Variants in CAST observed in about 807,000 individuals in gnomAD.
CAST encodes MIR583 host.
A neutral mutation model predicts 119.6 loss-of-function variants in CAST; 76 were observed. The observed-to-expected ratio is 0.64, with a 90% CI of 0.53 to 0.77. The LOEUF (loss-of-function observed/expected upper bound fraction) is 0.77. CAST is among the 30% of genes least tolerant of loss of function. CAST has a pLI of 0.00. For synonymous variants in CAST, 319 were observed against 331.6 expected (o/e 0.96, Z 0.41); for missense variants, 953 against 946.5 (o/e 1.01, Z -0.09).
intron 1 of CAST, among the ~76,000 whole-genome samples, chr5:96,581,602 C>A (rs562800748): frequency 1.3e-5 from 2 of 152,230 alleles, no homozygotes; most frequent in Non-Finnish European, 2.9e-5. Flanking sequence ...TTAAAAACAA[C>A]CTGAATAGCC....
At chr5:96,432,983 A>G in the CAST span, 1 of 1,614,224 alleles carries the variant, frequency 6.2e-7, no homozygotes, top group Non-Finnish European at 8.5e-7. Flanking sequence ...TGTTCAGTGC[A>G]CACCAAGCGC....
At chr5:95,998,382 T>C in the CAST span, among the ~76,000 whole-genome samples, 4 of 152,142 alleles carry the variant, frequency 2.6e-5, no homozygotes, top group Non-Finnish European at 4.4e-5. Context: ...TTGTACCTAA[T>C]AGGTAATTTT....
At chr5:96,496,963 A>T in the CAST span, among the ~76,000 whole-genome samples, 5 of 150,082 alleles carry the variant, frequency 3.3e-5, no homozygotes, top group East Asian at 7.9e-4. Flanking sequence ...GCACCCAGTA[A>T]CTCGTCATTT....
In CAST at chr5:96,746,484, G is replaced by A. The variant is rs374520107; in HGVS notation, c.1284+59G>A. The A allele has an allele frequency of 8.0e-5, 76 of 950,004 alleles. No individual in the cohort carries two copies. In the East Asian group the frequency reaches 1.6e-3, roughly 20 times the overall value. The allele number at this position is 950,004 out of a possible 1,614,324, so 58.8% of individuals were successfully genotyped here. A position where few individuals can be genotyped will look rare whatever the true frequency, so the allele number is the denominator to read the frequency against. On this transcript the variant is annotated intron_variant, in intron 17 of 31. Transcript: ENST00000675179. ...TCTTGCCTTTGCATCTTGTTTTGTT[G>A]TATCTGTACCCTTGACATTGTCAAA...
the CAST span, among the ~76,000 whole-genome samples, chr5:96,149,401 A>G: frequency 3.9e-5 from 6 of 152,088 alleles, no homozygotes; most frequent in African/African-American, 1.4e-4. Context: ...ATCCCTATGC[A>G]CTTGGTCTGT....
chr5:96,685,927 A>G (rs1254779495), intron 2 of CAST, among the ~76,000 whole-genome samples: 1 of 152,246 alleles, frequency 6.6e-6, no homozygotes, highest in Non-Finnish European at 1.5e-5. Flanking sequence ...CGTAGCACAC[A>G]TAAACATTGA....
chr5:96,020,571 A>G, the CAST span, among the ~76,000 whole-genome samples: 1 of 151,972 alleles, frequency 6.6e-6, no homozygotes, highest in Non-Finnish European at 1.5e-5. Context: ...AGGAGCACAA[A>G]CCCTATTGTG....
the CAST span, among the ~76,000 whole-genome samples, chr5:96,231,284 A>G: frequency 6.6e-6 from 1 of 152,330 alleles, no homozygotes; most frequent in East Asian, 1.9e-4. Context: ...TCCATAGAAT[A>G]GAATGGTCTT....
chr5:96,026,409 CAG>C, the CAST span, among the ~76,000 whole-genome samples: 10 of 152,266 alleles, frequency 6.6e-5, no homozygotes, highest in South Asian at 2.1e-3. Context: ...CCCTCTTCTT[CAG>C]AGAGTCCCCA....
chr5:96,613,996 A>G (rs1383193911), intron 1 of CAST, among the ~76,000 whole-genome samples: 1 of 152,184 alleles, frequency 6.6e-6, no homozygotes, highest in African/African-American at 2.4e-5. Flanking sequence ...TCACAGCCCT[A>G]TGAGTTAGAT....
At chr5:96,076,997 T>G in the CAST span, among the ~76,000 whole-genome samples, 1 of 151,362 alleles carries the variant, frequency 6.6e-6, no homozygotes, top group Admixed American at 6.6e-5. Context: ...TTATGCTTTT[T>G]TATGTAACAT....
At chr5:96,469,563 C>G in the CAST span, among the ~76,000 whole-genome samples, 1 of 151,828 alleles carries the variant, frequency 6.6e-6, no homozygotes, top group Non-Finnish European at 1.5e-5. Context: ...GTTGTTGACT[C>G]TGAGGGGTCA....
chr5:96,137,624 A>G, the CAST span, among the ~76,000 whole-genome samples: 1 of 152,112 alleles, frequency 6.6e-6, no homozygotes, highest in African/African-American at 2.4e-5. Flanking sequence ...AATGAATGAG[A>G]ATTCATATTG....
the CAST span, among the ~76,000 whole-genome samples, chr5:96,343,607 G>T: frequency 1.4e-4 from 21 of 152,158 alleles, no homozygotes; most frequent in Non-Finnish European, 2.6e-4. Context: ...ACACACAAAG[G>T]ATTGCCTTTA....
At chr5:96,159,929 G>A in the CAST span, among the ~76,000 whole-genome samples, 3 of 150,310 alleles carry the variant, frequency 2.0e-5, no homozygotes, top group South Asian at 2.1e-4. Context: ...AGGTCAGTTC[G>A]AGAGCAGCCT....
chr5:96,539,477 C>G (rs1275818677), intron 1 of CAST, among the ~76,000 whole-genome samples: 1 of 152,120 alleles, frequency 6.6e-6, no homozygotes, highest in Non-Finnish European at 1.5e-5. Flanking sequence ...ACTCATGTTT[C>G]TATGTCATCA....
chr5:96,453,170 A>G, the CAST span, among the ~76,000 whole-genome samples: 3 of 152,162 alleles, frequency 2.0e-5, no homozygotes, highest in Non-Finnish European at 4.4e-5. Context: ...CATGTTTCTG[A>G]GTCTCAAAAC....
At chr5:96,014,049 C>G in the CAST span, among the ~76,000 whole-genome samples, 1 of 151,466 alleles carries the variant, frequency 6.6e-6, no homozygotes, top group Non-Finnish European at 1.5e-5. Flanking sequence ...AACTTTTTGA[C>G]TTTTTAATAA....
chr5:96,562,368 T>C (rs1433923502), intron 1 of CAST, among the ~76,000 whole-genome samples: 2 of 152,274 alleles, frequency 1.3e-5, no homozygotes, highest in South Asian at 2.1e-4. Context: ...GCCTCTTTAA[T>C]GTATGAAAAA....
Sources: allele counts gnomAD v4.1 joint callset (sites outside exome capture counted in the v4.1 genomes callset), GRCh38; gene constraint gnomAD v4.1.1; transcripts MANE v1.5; gene names NCBI Gene and HGNC (gene_info 2026-07-23, HGNC 2026-07-21).